The following GRB14 variants were observed in gnomAD, a reference collection of about 807,000 sequenced individuals.
The protein encoded by GRB14 is growth factor receptor bound protein 14.
A neutral mutation model predicts 69.1 loss-of-function variants in GRB14; 38 were observed. That is an observed-to-expected ratio of 0.55 (90% CI 0.42 to 0.72). The LOEUF is 0.72. Among genes scored for constraint, GRB14 ranks in the 30% least tolerant of loss-of-function variants. The pLI is 0.00. For synonymous variants in GRB14, 247 were observed against 241.3 expected (o/e 1.02, Z -0.22); for missense variants, 666 against 666.1 (o/e 1.00, Z 0.00).
rs114544257 is a variant in GRB14, at chr2:164,563,195, T to C, written c.325-15379A>G. ...CTTATTACCATACCTACAATCCCTA[T>C]ACAAGTAATAGAATATTATTTGCTC... is the stretch of plus-strand genomic sequence containing the variant. On this transcript the variant is annotated intron_variant, in intron 2 of 13. Transcript: ENST00000263915. Among the ~76,000 whole-genome samples, 924 of 152,316 alleles carry C rather than the reference T, an allele frequency of 6.1e-3. 5 individuals carry two copies. The highest frequency in any genetic ancestry group is 9.6e-3 in the Non-Finnish European group (653 of 68,028).
intron 2 of GRB14, among the ~76,000 whole-genome samples, chr2:164,575,817 C>T (rs1689238450): frequency 6.6e-6 from 1 of 151,946 alleles, no homozygotes; most frequent in Non-Finnish European, 1.5e-5. Flanking sequence ...AGAGCAAACA[C>T]AAAGCTAAGA....
In GRB14 at chr2:164,530,800, AG is replaced by A. The variant is rs556678701; in HGVS notation, c.482-3666del. The stretch of plus-strand genomic sequence containing the variant: ...GTAGAAAGCCCTGCAGTCTATAGTA[AG>A]GGCTAGGCTTTTCCTCTGTGTTAGA... On this transcript the variant is annotated intron_variant, in intron 3 of 13. Transcript: ENST00000263915. Among the ~76,000 whole-genome samples, 22 of 152,320 alleles carry A rather than the reference AG, an allele frequency of 1.4e-4. No individual in the cohort carries two copies. The East Asian group carries it at 3.9e-3, about 27-fold the overall frequency.
At chr2:164,533,931 G>C (rs112054466) in intron 3 of GRB14, among the ~76,000 whole-genome samples, 1 of 152,086 alleles carries the variant, frequency 6.6e-6, no homozygotes, top group African/African-American at 2.4e-5. Context: ...TAAAAGATTT[G>C]CAGAAAATGT....
chr2:164,576,869 G>C (rs1419231761), intron 2 of GRB14, among the ~76,000 whole-genome samples: 1 of 151,162 alleles, frequency 6.6e-6, no homozygotes, highest in East Asian at 1.9e-4. Flanking sequence ...TCTGAATCTG[G>C]TCTTTGGGGA....
At chr2:164,568,705 TGC>T (rs752840096) in intron 2 of GRB14, among the ~76,000 whole-genome samples, 4 of 152,216 alleles carry the variant, frequency 2.6e-5, no homozygotes, top group Non-Finnish European at 5.9e-5. Context: ...TGCAATTCAA[TGC>T]CATCTTTGTT....
At chr2:164,565,703 T>C (rs1347885805) in intron 2 of GRB14, among the ~76,000 whole-genome samples, 1 of 152,202 alleles carries the variant, frequency 6.6e-6, no homozygotes, top group Non-Finnish European at 1.5e-5. Context: ...CTGAAGCACA[T>C]GAGGAACGTT....
chr2:164,597,196 G>T (rs562697375), intron 2 of GRB14, among the ~76,000 whole-genome samples: 1 of 152,204 alleles, frequency 6.6e-6, no homozygotes, highest in Admixed American at 6.5e-5. Flanking sequence ...AGCAAAATTT[G>T]ACTTTATAAC....
intron 2 of GRB14, among the ~76,000 whole-genome samples, chr2:164,554,109 T>C (rs1688616886): frequency 6.6e-6 from 1 of 152,072 alleles, no homozygotes; most frequent in Admixed American, 6.6e-5. Context: ...ACTATATGGG[T>C]TAAAACTAAG....
At chr2:164,493,272 A>C in intron 13 of GRB14, 90 bp from the exon 14 acceptor site, 2 of 1,197,614 alleles carry the variant, frequency 1.7e-6, no homozygotes, top group East Asian at 5.1e-5. Context: ...CACATGCCAA[A>C]ACTGCCAAGT....
Position 164,492,881 on chromosome 2 carries a change from C to A in GRB14, c.*155G>T. The stretch of plus-strand genomic sequence containing the variant: ...TGATGAATGTAAAGTCAATCCAAGT[C>A]TTTGCTTATTTGCAATGCACAAACT... On this transcript the variant is annotated 3_prime_UTR_variant, in exon 14 of 14. Coordinates refer to ENST00000263915, the MANE Select transcript of GRB14 (RefSeq NM_004490.3). 3.5e-6 allele frequency: 2 copies of A among 573,130 alleles called. No individual in the cohort carries two copies. The highest frequency in any genetic ancestry group is 5.8e-6 in the Non-Finnish European group (2 of 345,350). The allele number at this position is 573,130 out of a possible 1,614,324, so 35.5% of individuals were successfully genotyped here.
chr2:164,494,622 G>A, intron 12 of GRB14, 98 bp from the exon 13 acceptor site: 1 of 762,242 alleles, frequency 1.3e-6, no homozygotes, highest in African/African-American at 1.7e-5. Flanking sequence ...CATAAATGTA[G>A]CTGGGGACTC....
chr2:164,503,003 C>G (rs974092177), intron 8 of GRB14, among the ~76,000 whole-genome samples: 2 of 151,890 alleles, frequency 1.3e-5, no homozygotes, highest in Non-Finnish European at 2.9e-5. Context: ...GAGGCAGCAT[C>G]ATATGGATTG....
At chr2:164,513,003 A>G (rs1687379292) in intron 6 of GRB14, among the ~76,000 whole-genome samples, 1 of 152,160 alleles carries the variant, frequency 6.6e-6, no homozygotes, top group Admixed American at 6.5e-5. Context: ...TTTTATCTTT[A>G]AGAACATTTT....
At chr2:164,617,487 C>A (rs1690325707) in intron 2 of GRB14, among the ~76,000 whole-genome samples, 1 of 152,048 alleles carries the variant, frequency 6.6e-6, no homozygotes, top group Non-Finnish European at 1.5e-5. Context: ...TCTAAGACGT[C>A]TTACTCTAGT....
At chr2:164,564,381 G>A (rs1688912165) in intron 2 of GRB14, among the ~76,000 whole-genome samples, 1 of 152,288 alleles carries the variant, frequency 6.6e-6, no homozygotes, top group Admixed American at 6.5e-5. Flanking sequence ...AAGATTCTGG[G>A]AAAAATAGTG....
chr2:164,527,080 T>C lies in GRB14; in HGVS notation c.537A>G (p.Ile179Met), dbSNP rs747634820. ...LVIEVLSNWG[I>M]EEENKLYFRK... ...TAAAGTATAGTTTGTTTTCTTCTTC[T>C]ATCCCCCAGTTGGATAGCACTTCAA... Residue 179 changes from isoleucine to methionine, a missense_variant, in exon 4 of 14, where the codon ATA becomes ATG. Ile to Met is a conservative substitution (Grantham distance 10). Coordinates refer to ENST00000263915, the MANE Select transcript of GRB14 (RefSeq NM_004490.3). 6.3e-7 allele frequency: 1 copy of C among 1,588,968 alleles called. No homozygotes were observed.
intron 3 of GRB14, among the ~76,000 whole-genome samples, chr2:164,541,604 C>T (rs999223556): frequency 3.3e-5 from 5 of 151,542 alleles, no homozygotes; most frequent in Non-Finnish European, 7.4e-5. Flanking sequence ...AAAAGAGACC[C>T]TATCTCTAAA....
intron 2 of GRB14, among the ~76,000 whole-genome samples, chr2:164,607,287 T>C (rs1413847736): frequency 1.3e-5 from 2 of 152,214 alleles, no homozygotes; most frequent in African/African-American, 4.8e-5. Context: ...TCTCCATTTA[T>C]TTATTCTTTC....
chr2:164,515,422 C>A (rs553944885), intron 6 of GRB14, among the ~76,000 whole-genome samples: 1 of 152,188 alleles, frequency 6.6e-6, no homozygotes, highest in African/African-American at 2.4e-5. Flanking sequence ...CAGCCCAGGG[C>A]CCGGGAGCTC....
Sources: allele counts gnomAD v4.1 joint callset (sites outside exome capture counted in the v4.1 genomes callset), GRCh38; gene constraint gnomAD v4.1.1; transcripts MANE v1.5; gene names NCBI Gene and HGNC (gene_info 2026-07-23, HGNC 2026-07-21).